The following LAMB1 variants were observed in gnomAD, a reference collection of about 807,000 sequenced individuals.
The protein encoded by LAMB1 is laminin subunit beta-1.
In LAMB1, 121 loss-of-function variants were observed where a neutral mutation model predicts 222.3. The ratio of observed to expected loss-of-function variants is 0.54; its 90% CI spans 0.47 to 0.63. The LOEUF is 0.63. Among genes scored for constraint, LAMB1 ranks in the 30% least tolerant of loss-of-function variants. LAMB1 has a pLI of 0.00. For synonymous variants in LAMB1, 794 were observed against 807.2 expected (o/e 0.98, Z 0.28); for missense variants, 2,172 against 2,240.8 (o/e 0.97, Z 0.62).
intron 13 of LAMB1, among the ~76,000 whole-genome samples, chr7:107,968,877 T>A (rs1424958354): frequency 6.6e-6 from 1 of 152,142 alleles, no homozygotes; most frequent in African/African-American, 2.4e-5. Flanking sequence ...AACTGGAAAA[T>A]AATAAACTTA....
At chr7:107,967,162 C>T (rs2033653237) in intron 13 of LAMB1, among the ~76,000 whole-genome samples, 1 of 152,232 alleles carries the variant, frequency 6.6e-6, no homozygotes, top group Non-Finnish European at 1.5e-5. Context: ...TTATCCTCAG[C>T]TCTGCTGTTT....
In LAMB1 at chr7:107,941,330, A is replaced by G. The variant is rs574706922; in HGVS notation, c.3392-972T>C. ...AAAGTATTTATACAGGGTTTGAATT[A>G]CGAAAGGCCTTATGCTAACATCTTA... On this transcript the variant is annotated intron_variant, in intron 24 of 33. Transcript: ENST00000222399. 5.9e-5 allele frequency among the ~76,000 whole-genome samples: 9 copies of G among 152,352 alleles called. No homozygotes were observed. In the South Asian group the frequency reaches 1.9e-3, roughly 32 times the overall value.
intron 9 of LAMB1, among the ~76,000 whole-genome samples, chr7:107,976,496 T>C (rs893250203): frequency 6.6e-6 from 1 of 152,150 alleles, no homozygotes; most frequent in African/African-American, 2.4e-5. Context: ...GCTTTAATCA[T>C]CTCGCTCTCG....
At chr7:107,938,325 T>C (rs893199843) in intron 25 of LAMB1, among the ~76,000 whole-genome samples, 8 of 152,212 alleles carry the variant, frequency 5.3e-5, no homozygotes, top group Non-Finnish European at 7.3e-5. Flanking sequence ...GAGGCTAATA[T>C]ACATAGTTTC....
chr7:107,931,265 A>T, intron 29 of LAMB1, 91 bp downstream of exon 29: 1 of 1,131,104 alleles, frequency 8.8e-7, no homozygotes, highest in Non-Finnish European at 1.3e-6. Context: ...AATGTCACTT[A>T]GTACCCTGAC....
At chr7:107,969,790 T>G (rs547692098) in intron 13 of LAMB1, among the ~76,000 whole-genome samples, 1 of 152,358 alleles carries the variant, frequency 6.6e-6, no homozygotes, top group East Asian at 1.9e-4. Flanking sequence ...TGACAAGAAC[T>G]TGTGTATTCA....
Position 107,952,024 on chromosome 7 carries a change from C to T in LAMB1, c.3279G>A (p.Gly1093=). The T allele has an allele frequency of 6.2e-7, 1 of 1,611,300 alleles. No homozygotes were observed. The highest frequency in any genetic ancestry group is 1.3e-5 in the African/African-American group (1 of 74,984). The stretch of plus-strand genomic sequence containing the variant: ...AGCCCCTCACCTCATTGCAAGATGG[C>T]CCGAAGGAATGAGCAGCATTGCAGT... ...PCNCNAAHSF[G]PSCNEFTGQC... is the part of the protein sequence containing the mutation. The change falls in exon 23 of 34, where the codon GGG becomes GGA. Residue 1093 remains glycine, a synonymous_variant. Transcript: ENST00000222399.
chr7:107,977,256 G>A (rs1258634288), intron 9 of LAMB1, among the ~76,000 whole-genome samples: 1 of 152,258 alleles, frequency 6.6e-6, no homozygotes, highest in African/African-American at 2.4e-5. Flanking sequence ...AGGCGGAGCT[G>A]CTCTTCAAGG....
chr7:107,944,909 T>C (rs1464356020), intron 24 of LAMB1, among the ~76,000 whole-genome samples: 1 of 152,208 alleles, frequency 6.6e-6, no homozygotes, highest in Non-Finnish European at 1.5e-5. Flanking sequence ...TCCAGTGGGC[T>C]CCTTCTCTCT....
chr7:107,959,861 A>G, intron 18 of LAMB1, 27 bp from the exon 19 acceptor site: 2 of 1,606,372 alleles, frequency 1.2e-6, no homozygotes, highest in Non-Finnish European at 1.7e-6. Flanking sequence ...GCCAGAACCC[A>G]TGACACGGAG....
intron 27 of LAMB1, 55 bp downstream of exon 27, chr7:107,935,360 T>TG: frequency 4.2e-6 from 2 of 473,812 alleles, no homozygotes; most frequent in Non-Finnish European, 2.9e-6. Flanking sequence ...TTTTTTTTTT[T>TG]TTTTTTTTTT....
intron 14 of LAMB1, among the ~76,000 whole-genome samples, chr7:107,964,266 G>A (rs926254684): frequency 2.0e-5 from 3 of 152,208 alleles, no homozygotes; most frequent in African/African-American, 7.2e-5. Flanking sequence ...ATGCTAGGTT[G>A]ATAACTTTGG....
At chr7:107,946,777 A>G (rs1465532072) in intron 24 of LAMB1, among the ~76,000 whole-genome samples, 2 of 152,238 alleles carry the variant, frequency 1.3e-5, no homozygotes, top group Admixed American at 1.3e-4. Flanking sequence ...AAATCCCAAC[A>G]TTAGAAAATA....
At chr7:107,964,121 G>A (rs578028412) in intron 14 of LAMB1, among the ~76,000 whole-genome samples, 7 of 152,248 alleles carry the variant, frequency 4.6e-5, no homozygotes, top group East Asian at 3.9e-4. Context: ...AAGAAAGGTC[G>A]TGTTCGTGTG....
chr7:107,937,027 A>C, intron 26 of LAMB1, 66 bp downstream of exon 26: 1 of 1,308,048 alleles, frequency 7.6e-7, no homozygotes, highest in Non-Finnish European at 1.1e-6. Context: ...CAAAAGTGCT[A>C]TATTAAAACG....
chr7:107,963,198 T>C, intron 14 of LAMB1, 135 bp from the exon 15 acceptor site: 1 of 775,398 alleles, frequency 1.3e-6, no homozygotes, highest in Non-Finnish European at 2.0e-6. Flanking sequence ...TAGTCAAATC[T>C]CCCCTAATAG....
rs140563458 is a variant in LAMB1, at chr7:107,937,300, A to G, written c.3762-23T>C. ...TTCCTGTAAAGAGAAAGTTAAGCTT[A>G]CTTACATAAAATAAACCCAAGGGAG... On this transcript the variant is annotated intron_variant, in intron 25 of 33. Coordinates refer to ENST00000222399, the MANE Select transcript of LAMB1 (RefSeq NM_002291.3). 480 of 1,595,490 alleles carry G rather than the reference A, an allele frequency of 3.0e-4. 4 individuals are homozygous for G. In the African/African-American group the frequency reaches 5.2e-3, roughly 17 times the overall value.
At chr7:107,952,462 G>C (rs1199894454) in intron 22 of LAMB1, among the ~76,000 whole-genome samples, 2 of 152,194 alleles carry the variant, frequency 1.3e-5, no homozygotes, top group East Asian at 1.9e-4. Context: ...TCACCTAAAA[G>C]TATGTTCAAA....
chr7:107,944,126 A>G (rs2033058957), intron 24 of LAMB1, among the ~76,000 whole-genome samples: 1 of 152,236 alleles, frequency 6.6e-6, no homozygotes. Flanking sequence ...TAGATGATGC[A>G]AAGGTATACC....
Sources: gnomAD v4.1 joint callset for allele counts (sites outside exome capture counted in the v4.1 genomes callset) on GRCh38, gnomAD v4.1.1 for gene constraint, MANE v1.5 for transcripts, NCBI Gene and HGNC (gene_info 2026-07-23, HGNC 2026-07-21) for gene names.